The following NCOA2 variants were observed in gnomAD, a reference collection of about 807,000 sequenced individuals.
NCOA2 encodes nuclear receptor coactivator 2.
In NCOA2, 21 loss-of-function variants were observed where a neutral mutation model predicts 145.1. The ratio of observed to expected loss-of-function variants is 0.14; its 90% confidence interval spans 0.10 to 0.21. The LOEUF (loss-of-function observed/expected upper bound fraction) is 0.21. Ranked by LOEUF, NCOA2 falls within the 10% of genes least tolerant of loss-of-function variation. The probability of loss-of-function intolerance (pLI) is 1.00; values close to 1 mark genes in which losing one functional copy is unlikely to be tolerated. For missense variants in NCOA2, 1,472 were observed against 1,837.6 expected (o/e 0.80, Z 3.64); for synonymous variants, 619 against 637.5 (o/e 0.97, Z 0.44).
At chr8:70,320,984 C>T (rs1413276661) in intron 1 of NCOA2, among the ~76,000 whole-genome samples, 1 of 152,158 alleles carries the variant, frequency 6.6e-6, no homozygotes, top group Non-Finnish European at 1.5e-5. Context: ...AAATGAATGA[C>T]TACTATTTCG....
rs748031390 is a variant in NCOA2 at position 70,148,338 on chromosome 8, G to A, written c.2540C>T (p.Thr847Ile). 6.2e-7 allele frequency: 1 copy of A among 1,614,016 alleles called. No individual in the cohort carries two copies. Among genetic ancestry groups the A allele is most frequent in the African/African-American group, 1.3e-5 (1 of 75,054 alleles). Reference sequence around the variant, plus strand: ...AGGTGTGACAGGGCTGTTTTCAGCTGTGAGTTGCATGAGGTCATTGATGAT... The same window carrying A: ...AGGTGTGACAGGGCTGTTTTCAGCTATGAGTTGCATGAGGTCATTGATGAT... ...QAIINDLMQL[T>I]AENSPVTPVG... Residue 847 changes from threonine to isoleucine, a missense_variant, in exon 12 of 23, where the codon ACA (threonine) becomes ATA (isoleucine). Thr to Ile is a moderately conservative substitution (Grantham distance 89, BLOSUM62 -1). Transcript: ENST00000452400.
At chr8:70,437,503 C>G in the NCOA2 span, among the ~76,000 whole-genome samples, 5 of 152,334 alleles carry the variant, frequency 3.3e-5, no homozygotes, top group South Asian at 1.0e-3. Flanking sequence ...GATAAAAAAT[C>G]TGGTTTGACC....
At chr8:70,250,715 A>G (rs551558887) in intron 2 of NCOA2, among the ~76,000 whole-genome samples, 54 of 152,142 alleles carry the variant, frequency 3.5e-4, no homozygotes, top group Non-Finnish European at 4.7e-4. Flanking sequence ...TAATCTATAA[A>G]GATTTCTTCT....
chr8:70,175,255 T>C (rs1304730528), intron 4 of NCOA2, among the ~76,000 whole-genome samples: 5 of 152,248 alleles, frequency 3.3e-5, no homozygotes, highest in African/African-American at 9.6e-5. Flanking sequence ...TAATCACAGA[T>C]AGATTTGCAC....
intron 2 of NCOA2, among the ~76,000 whole-genome samples, chr8:70,231,500 T>C (rs984230469): frequency 2.0e-5 from 3 of 152,236 alleles, no homozygotes; most frequent in African/African-American, 7.2e-5. Context: ...TTTGAAACCA[T>C]AGTTTTCCTG....
chr8:70,172,837 G>A lies in NCOA2; in HGVS notation c.363+1919C>T, dbSNP rs1318626520. 1.3e-5 allele frequency among the ~76,000 whole-genome samples: 2 copies of A among 152,082 alleles called. 1 individual carries two copies. The highest frequency in any genetic ancestry group is 4.1e-4 in the South Asian group (2 of 4,828). ...TATAATAAAACTGAAAGACGAAATT[G>A]TTTCCTCTCATAAAGCTGTGTTTTT... is the stretch of plus-strand genomic sequence containing the variant. On this transcript the variant is annotated intron_variant, in intron 5 of 22. Transcript: ENST00000452400.
At chr8:70,410,598 G>C in the NCOA2 span, among the ~76,000 whole-genome samples, 160 of 152,260 alleles carry the variant, frequency 1.1e-3, 1 homozygote, top group African/African-American at 3.7e-3. Flanking sequence ...GCCTCCCAAA[G>C]TGCTTGGAAC....
At chr8:70,166,482 G>T in intron 7 of NCOA2, 84 bp downstream of exon 7, 2 of 1,454,130 alleles carry the variant, frequency 1.4e-6, no homozygotes, top group Non-Finnish European at 1.9e-6. Context: ...ACTTTTCTTT[G>T]GGTGACCACT....
At chr8:70,261,950 G>C (rs1233037515) in intron 2 of NCOA2, among the ~76,000 whole-genome samples, 1 of 152,114 alleles carries the variant, frequency 6.6e-6, no homozygotes, top group Non-Finnish European at 1.5e-5. Flanking sequence ...CAGCGAATAT[G>C]ATGGCCAACC....
chr8:70,226,207 A>T (rs1188377583), intron 2 of NCOA2, among the ~76,000 whole-genome samples: 1 of 152,178 alleles, frequency 6.6e-6, no homozygotes, highest in East Asian at 1.9e-4. Context: ...TATTTTCCAA[A>T]TTCCCTTTCA....
At chr8:70,174,944 T>C (rs1177192105) in intron 4 of NCOA2, 85 bp from the exon 5 acceptor site, 3 of 1,252,250 alleles carry the variant, frequency 2.4e-6, no homozygotes, top group East Asian at 4.7e-5. Flanking sequence ...TAATGATTTT[T>C]AAAAATCTCT....
At chr8:70,137,449 CAACT>C (rs1398753074) in intron 15 of NCOA2, among the ~76,000 whole-genome samples, 1 of 152,238 alleles carries the variant, frequency 6.6e-6, no homozygotes, top group African/African-American at 2.4e-5. Flanking sequence ...CATCCAAAAA[CAACT>C]AACAGGTGGT....
rs1477161526 is a variant in NCOA2, at chr8:70,128,984, G to C, written c.3325-4C>G. The C allele has an allele frequency of 4.4e-6, 7 of 1,590,118 alleles. No individual in the cohort carries two copies. In the Admixed American group the frequency reaches 1.2e-4, roughly 28 times the overall value. ...GTTCTGGATCTACTGCTTGGCTCTG[G>C]AGAGAAAGTCCCAAATAACAAACAA... On this transcript the variant is annotated splice_region_variant and splice_polypyrimidine_tract_variant and intron_variant, in intron 16 of 22. Transcript: ENST00000452400.
At chr8:70,126,733 A>G in intron 19 of NCOA2, 80 bp downstream of exon 19, 1 of 1,171,332 alleles carries the variant, frequency 8.5e-7, no homozygotes, top group African/African-American at 1.5e-5. Flanking sequence ...AAGAGCTGTG[A>G]GAGAGGAGCT....
intron 11 of NCOA2, among the ~76,000 whole-genome samples, chr8:70,149,904 T>G (rs1191195126): frequency 6.6e-6 from 1 of 152,336 alleles, no homozygotes; most frequent in East Asian, 1.9e-4. Context: ...ATACATGGCA[T>G]ACATCTAATA....
In NCOA2 at chr8:70,156,600, A is replaced by G; in HGVS notation, c.1765T>C (p.Tyr589His). ...SLDSKDCFGLYGEPSEGTTGQ... is the reference protein window; with the variant it reads ...SLDSKDCFGLHGEPSEGTTGQ... ...GTTGTACCTTCAGAGGGCTCCCCAT[A>G]TAGTCCAAAACAGTCTTTTGAGTCC... Residue 589 changes from tyrosine (Y) to histidine (H), a missense_variant, in exon 11 of 23, where the codon TAT (tyrosine) becomes CAT (histidine). This residue lies in a region of NCOA2 where 953 missense variants were observed against 1,062.1 expected (regional missense o/e 0.90). Coordinates refer to ENST00000452400, the MANE Select transcript of NCOA2 (RefSeq NM_006540.4). 6.2e-7 allele frequency: 1 copy of G among 1,613,950 alleles called. No homozygotes were observed. Among genetic ancestry groups the G allele is most frequent in the Non-Finnish European group, 8.5e-7 (1 of 1,179,888 alleles).
intron 10 of NCOA2, among the ~76,000 whole-genome samples, chr8:70,159,243 T>TA (rs869045939): frequency 0.66 from 51,468 of 78,132 alleles, 18,453 homozygotes; most frequent in Non-Finnish European, 0.76. Flanking sequence ...TATATATATA[T>TA]TTTTTTTTTT....
intron 2 of NCOA2, chr8:70,273,714 C>T (rs143492122): frequency 3.2e-4 from 200 of 625,968 alleles, no homozygotes; most frequent in African/African-American, 3.0e-3. Context: ...AGTTTAAGGA[C>T]TGGCTGAAGC....
intron 1 of NCOA2, among the ~76,000 whole-genome samples, chr8:70,403,055 C>T (rs1278732034): frequency 6.7e-6 from 1 of 149,050 alleles, no homozygotes; most frequent in Non-Finnish European, 1.5e-5. Flanking sequence ...CCCCGCGCTG[C>T]AGCTCGCCGG....
Sources: allele counts gnomAD v4.1 joint callset (sites outside exome capture counted in the v4.1 genomes callset), GRCh38; gene constraint gnomAD v4.1.1; regional missense constraint gnomAD v4.1.1; transcripts MANE v1.5; gene names NCBI Gene and HGNC (gene_info 2026-07-23, HGNC 2026-07-21).